Variants in ATP12A observed in about 807,000 individuals in gnomAD.
The protein encoded by ATP12A is ATPase H+/K+ transporting non-gastric alpha2 subunit, also known as potassium-transporting ATPase alpha chain 2.
Under a neutral mutation model 111.2 loss-of-function variants are expected in ATP12A, and 81 were observed. That is an observed-to-expected ratio of 0.73 (90% CI 0.61 to 0.88). ATP12A has a LOEUF of 0.88. ATP12A is among the 40% of genes least tolerant of loss of function. The pLI is 0.00. For missense variants in ATP12A, 1,196 were observed against 1,313.1 expected, an observed-to-expected ratio of 0.91 and a Z score of 1.38; for synonymous variants, 498 against 499.8, an observed-to-expected ratio of 1.00 and a Z score of 0.05.
intron 14 of ATP12A, among the ~76,000 whole-genome samples, chr13:24,705,538 C>G (rs1875588844): frequency 6.6e-6 from 1 of 152,212 alleles, no homozygotes; most frequent in Admixed American, 6.5e-5. Flanking sequence ...AAACTTCTGC[C>G]TACGTAGCAC....
chr13:24,691,528 C>G (rs1281440001), intron 8 of ATP12A, among the ~76,000 whole-genome samples: 1 of 152,220 alleles, frequency 6.6e-6, no homozygotes, highest in Non-Finnish European at 1.5e-5. Flanking sequence ...AAGACAGACT[C>G]CACCATTCAC....
In ATP12A at chr13:24,692,434, C is replaced by T. The variant is rs576837427; in HGVS notation, c.1074C>T (p.Thr358=). 6.8e-6 allele frequency: 11 copies of T among 1,613,514 alleles called. No homozygotes were observed. In the South Asian group the frequency reaches 1.1e-4, roughly 16 times the overall value. ...GTCCTTCCCTCTCCTGCTAGGTGAC[C>T]CTGTCGCTGACAGCAAAACGGATGG... is the stretch of plus-strand genomic sequence containing the variant. The part of the protein sequence containing the change: ...PEGLLATVTV[T]LSLTAKRMAK... Residue 358 remains threonine (T), a synonymous_variant, in exon 9 of 23, where the codon ACC becomes ACT. Transcript: ENST00000381946.
chr13:24,688,902 A>T (rs1361175934), intron 4 of ATP12A, among the ~76,000 whole-genome samples: 1 of 152,158 alleles, frequency 6.6e-6, no homozygotes, highest in Non-Finnish European at 1.5e-5. Context: ...GCAACAAGCT[A>T]CATGTCATAG....
At chr13:24,681,862 G>A in intron 2 of ATP12A, 142 bp downstream of exon 2, 1 of 1,143,412 alleles carries the variant, frequency 8.7e-7, no homozygotes, top group South Asian at 1.4e-5. Context: ...TGTGGTGTCT[G>A]CGTGGTGTGT....
intron 1 of ATP12A, 54 bp downstream of exon 1, chr13:24,680,806 G>T: frequency 6.9e-7 from 1 of 1,454,946 alleles, no homozygotes; most frequent in South Asian, 1.4e-5. Flanking sequence ...CCAAGGCCCC[G>T]GGGACCGGAG....
rs1329840148 is a variant in ATP12A, at chr13:24,702,055, G to T, written c.2002G>T (p.Glu668Ter). The change falls in exon 14 of 23, where the codon GAG becomes TAG. Residue 668 changes from glutamate (E) to a stop codon, truncating the protein, a stop_gained. Transcript: ENST00000381946. LOFTEE classifies it high-confidence loss of function. ...DIAHRLNIAV[E>*]QVNKRDAKAA... is the part of the protein sequence containing the mutation. The stretch of plus-strand genomic sequence containing the variant: ...TGCACATCGCCTCAACATTGCTGTG[G>T]AGCAAGTTAACAAACGGTAAGCACA... 1 of 1,614,236 alleles carries T rather than the reference G, an allele frequency of 6.2e-7. No individual in the cohort carries two copies. The highest frequency in any genetic ancestry group is 8.5e-7 in the Non-Finnish European group (1 of 1,180,044).
At chr13:24,695,470 C>A (rs1875106554) in intron 11 of ATP12A, among the ~76,000 whole-genome samples, 1 of 152,160 alleles carries the variant, frequency 6.6e-6, no homozygotes, top group Non-Finnish European at 1.5e-5. Flanking sequence ...AGAGCCCACA[C>A]TGGATCTGGA....
Position 24,711,791 on chromosome 13 carries a change from T to G in ATP12A, c.*269T>G. The G allele has an allele frequency of 1.9e-6, 1 of 530,732 alleles. No individual in the cohort carries two copies. The highest frequency in any genetic ancestry group is 3.4e-6 in the Non-Finnish European group (1 of 296,166). 32.9% of individuals were successfully genotyped at this position (530,732 alleles called of 1,614,324 possible). ...CGAGGTAATGGTATAGGGAAGAATG[T>G]GTTTATGTGTATTTGAAACTCCTTG... On this transcript the variant is annotated 3_prime_UTR_variant, in exon 23 of 23. Transcript: ENST00000381946.
Position 24,691,154 on chromosome 13 carries a change from C to T in ATP12A, c.972C>T (p.Ile324=), listed in dbSNP as rs762249513. Residue 324 remains isoleucine (I), a synonymous_variant, in exon 8 of 23, where the codon ATC becomes ATT. Transcript: ENST00000381946. ...AVSIGILFFI[I]AVSLKYQVLD... ...CCATCGGCATCCTTTTCTTCATCAT[C>T]GCTGTGTCCCTGAAGTATCAAGTCC... 24 of 1,614,036 alleles carry T rather than the reference C, an allele frequency of 1.5e-5. No individual in the cohort carries two copies. Among genetic ancestry groups the T allele is most frequent in the South Asian group, 3.3e-5 (3 of 91,088 alleles).
intron 1 of ATP12A, 73 bp from the exon 2 acceptor site, chr13:24,681,489 C>G (rs1874429215): frequency 6.5e-7 from 1 of 1,545,932 alleles, no homozygotes; most frequent in Non-Finnish European, 8.7e-7. Context: ...GGTCCTGACC[C>G]CGCAGAGGGG....
chr13:24,687,179 G>C (rs1874702622), intron 3 of ATP12A, among the ~76,000 whole-genome samples: 1 of 152,122 alleles, frequency 6.6e-6, no homozygotes, highest in Non-Finnish European at 1.5e-5. Context: ...GACCAAGACT[G>C]GCCTGTCATG....
chr13:24,689,288 G>T lies in ATP12A; in HGVS notation c.459G>T (p.Leu153=). 1 of 1,614,058 alleles carries T rather than the reference G, an allele frequency of 6.2e-7. No homozygotes were observed. The highest frequency in any genetic ancestry group is 8.5e-7 in the Non-Finnish European group (1 of 1,179,998). ...NNVYLGCVLG[L]VVILTGIFAY... ...TGTACTTGGGCTGTGTGCTTGGTCT[G>T]GTGGTCATTTTAACGGGGATCTTTG... Residue 153 remains leucine (L), a synonymous_variant, in exon 5 of 23, where the codon CTG becomes CTT. Transcript: ENST00000381946.
At chr13:24,682,117 TG>T (rs1566067993) in intron 2 of ATP12A, among the ~76,000 whole-genome samples, 2 of 101,706 alleles carry the variant, frequency 2.0e-5, no homozygotes, top group South Asian at 3.5e-4. Context: ...GATGTGTGTG[TG>T]GTGTGTGTGT....
Position 24,707,417 on chromosome 13 carries a change from A to G in ATP12A, c.2477A>G (p.Asp826Gly). The change falls in exon 17 of 23, where the codon GAC becomes GGC. Residue 826 changes from aspartate to glycine, a missense_variant. Asp to Gly is a moderately conservative substitution (Grantham distance 94). Coordinates refer to ENST00000381946, the MANE Select transcript of ATP12A (RefSeq NM_001676.7). ...PIGTITILFI[D>G]LGTDIIPSIA... Reference sequence around the variant, plus strand: ...GGCACCATCACCATTCTGTTCATTGACTTGGGGACAGACATTGTAAGTGAC... The same window carrying G: ...GGCACCATCACCATTCTGTTCATTGGCTTGGGGACAGACATTGTAAGTGAC... The G allele has an allele frequency of 1.2e-6, 2 of 1,614,142 alleles. No homozygotes were observed. Among genetic ancestry groups the G allele is most frequent in the Non-Finnish European group, 1.7e-6 (2 of 1,180,018 alleles).
chr13:24,706,847 C>T (rs558002352), intron 15 of ATP12A, among the ~76,000 whole-genome samples, 176 bp from the exon 16 acceptor site: 5 of 152,176 alleles, frequency 3.3e-5, no homozygotes, highest in Admixed American at 1.3e-4. Flanking sequence ...TGTTTGGAGA[C>T]CCTTGTTCCT....
In ATP12A at chr13:24,682,959, C is replaced by CTTTTTTTTTTTTTT. The variant is rs34361489; in HGVS notation, c.168+1240_168+1253dup. Among the ~76,000 whole-genome samples, 25 of 139,052 alleles carry CTTTTTTTTTTTTTT rather than the reference C, an allele frequency of 1.8e-4. 1 individual carries two copies. Among genetic ancestry groups the CTTTTTTTTTTTTTT allele is most frequent in the South Asian group, 2.4e-4 (1 of 4,208 alleles). The allele number at this position is 139,052 out of a possible 152,430, so 91.2% of individuals were successfully genotyped here. On this transcript the variant is annotated intron_variant, in intron 2 of 22. Transcript: ENST00000381946. ...GAGCTCTGGAGTTATTAAAACTAGC[C>CTTTTTTTTTTTTTT]TTTTTTTTTTTTTTGAGACAGAGTT...
At position 24,700,780 on chromosome 13, in the gene ATP12A, T is replaced by C; in HGVS notation, c.1739T>C (p.Phe580Ser). ...FCHLYLPADE[F>S]PETYSFDIDA... ...CATCTCTACCTGCCAGCAGACGAGTTTCCAGAAACCTACTCATTTGACATA... is the reference window on the plus strand; with the variant it reads ...CATCTCTACCTGCCAGCAGACGAGTCTCCAGAAACCTACTCATTTGACATA... Residue 580 changes from phenylalanine to serine, a missense_variant, in exon 13 of 23, where the codon TTT becomes TCT. This residue lies in a region of ATP12A where 1,126 missense variants were observed against 1,228.5 expected (regional missense o/e 0.92). Coordinates refer to ENST00000381946, the MANE Select transcript of ATP12A (RefSeq NM_001676.7). 1.9e-6 allele frequency: 3 copies of C among 1,614,056 alleles called. No individual in the cohort carries two copies. Among genetic ancestry groups the C allele is most frequent in the African/African-American group, 1.3e-5 (1 of 75,034 alleles).
chr13:24,699,426 A>G (rs1210706304), intron 12 of ATP12A, among the ~76,000 whole-genome samples: 3 of 152,188 alleles, frequency 2.0e-5, no homozygotes, highest in Non-Finnish European at 4.4e-5. Flanking sequence ...TGGCGGCAGC[A>G]GGGAGAGGAG....
At chr13:24,702,265 T>C (rs373936879) in intron 14 of ATP12A, among the ~76,000 whole-genome samples, 194 bp downstream of exon 14, 11 of 152,384 alleles carry the variant, frequency 7.2e-5, no homozygotes, top group South Asian at 2.1e-4. Flanking sequence ...AGGCACAGTA[T>C]TGATACCATG....
Sources: allele counts gnomAD v4.1 joint callset (sites outside exome capture counted in the v4.1 genomes callset), GRCh38; gene constraint gnomAD v4.1.1; regional missense constraint gnomAD v4.1.1; transcripts MANE v1.5; gene names NCBI Gene and HGNC (gene_info 2026-07-23, HGNC 2026-07-21).